Variants in GABPB2 observed in about 807,000 individuals in gnomAD.
GABPB2 encodes GA binding protein transcription factor subunit beta 2.
In GABPB2, 23 loss-of-function variants were observed where a neutral mutation model predicts 39.1. The observed-to-expected ratio is 0.59, with a 90% CI of 0.42 to 0.83. GABPB2 has a LOEUF of 0.83. Among genes scored for constraint, GABPB2 ranks in the 40% least tolerant of loss-of-function variants. GABPB2 has a pLI of 0.00. For synonymous variants in GABPB2, 184 were observed against 199.3 expected (o/e 0.92, Z 0.65); for missense variants, 467 against 541.1 (o/e 0.86, Z 1.36).
chr1:151,103,822 C>A, intron 6 of GABPB2, 147 bp downstream of exon 6: 1 of 591,072 alleles, frequency 1.7e-6, no homozygotes, highest in African/African-American at 1.9e-5. Flanking sequence ...CATTGAACAT[C>A]AGAAAGAAAA....
chr1:151,109,797 G>A (rs587624173), intron 7 of GABPB2, among the ~76,000 whole-genome samples: 24 of 151,732 alleles, frequency 1.6e-4, no homozygotes, highest in African/African-American at 5.1e-4. Context: ...AGCCTCCCAA[G>A]TAGCTGGGAC....
intron 7 of GABPB2, among the ~76,000 whole-genome samples, chr1:151,109,983 C>T (rs587638395): frequency 6.6e-5 from 9 of 136,628 alleles, no homozygotes; most frequent in Non-Finnish European, 1.2e-4. Flanking sequence ...GGATTACAAT[C>T]ATGTGCCACC....
chr1:151,085,935 T>C (rs895969714), intron 1 of GABPB2, among the ~76,000 whole-genome samples: 1 of 152,026 alleles, frequency 6.6e-6, no homozygotes. Context: ...TACAATATAA[T>C]TGTCATTTGG....
Position 151,109,364 on chromosome 1 carries a change from A to ATTTTTTTT in GABPB2, c.922+2146_922+2153dup, listed in dbSNP as rs56324886. ...CACAAATATATATATATATATATATATTTTTTTTTTTGAGTCAGAATCTTG... is the reference window on the plus strand; with the variant it reads ...CACAAATATATATATATATATATATATTTTTTTTTTTTTTTTTTTGAGTCAGAATCTTG... On this transcript the variant is annotated intron_variant, in intron 7 of 8. Transcript: ENST00000368918. 4.4e-4 allele frequency among the ~76,000 whole-genome samples: 50 copies of ATTTTTTTT among 112,394 alleles called. 1 individual carries two copies. Among genetic ancestry groups the ATTTTTTTT allele is most frequent in the Non-Finnish European group, 7.4e-4 (43 of 57,980 alleles). The allele number at this position is 112,394 out of a possible 152,430, so 73.7% of individuals were successfully genotyped here. A position where few individuals can be genotyped will look rare whatever the true frequency, so the allele number is the denominator to read the frequency against.
intron 1 of GABPB2, among the ~76,000 whole-genome samples, chr1:151,083,776 G>A (rs1173439990): frequency 6.6e-6 from 1 of 150,630 alleles, no homozygotes; most frequent in Non-Finnish European, 1.5e-5. Context: ...GAGTCTTGCT[G>A]TGTCACCCAG....
At chr1:151,105,628 A>G (rs1375540752) in intron 6 of GABPB2, among the ~76,000 whole-genome samples, 1 of 151,436 alleles carries the variant, frequency 6.6e-6, no homozygotes, top group East Asian at 2.0e-4. Context: ...ATCCTCCCAC[A>G]TCAGCCTCCT....
At chr1:151,077,102 G>T (rs1176751726) in intron 1 of GABPB2, among the ~76,000 whole-genome samples, 1 of 152,044 alleles carries the variant, frequency 6.6e-6, no homozygotes, top group African/African-American at 2.4e-5. Flanking sequence ...AGTGCAGCAA[G>T]AATAATGATT....
intron 4 of GABPB2, among the ~76,000 whole-genome samples, chr1:151,097,241 C>A (rs1156695725): frequency 7.9e-5 from 12 of 151,770 alleles, no homozygotes; most frequent in African/African-American, 2.9e-4. Context: ...ATGAAAAAAA[C>A]AAGATTCATA....
At chr1:151,091,448 G>A (rs1012966333) in intron 3 of GABPB2, among the ~76,000 whole-genome samples, 4 of 138,816 alleles carry the variant, frequency 2.9e-5, no homozygotes, top group South Asian at 4.8e-4. Flanking sequence ...TGGGTGCGGT[G>A]GCTCACTCCT....
At chr1:151,110,791 C>G (rs1396210722) in intron 7 of GABPB2, among the ~76,000 whole-genome samples, 1 of 152,000 alleles carries the variant, frequency 6.6e-6, no homozygotes, top group Non-Finnish European at 1.5e-5. Context: ...TGTTTAAGGC[C>G]CAAAGAAGGA....
At chr1:151,114,088 A>G (rs1680667851) in intron 7 of GABPB2, among the ~76,000 whole-genome samples, 2 of 151,934 alleles carry the variant, frequency 1.3e-5, no homozygotes, top group Admixed American at 6.6e-5. Flanking sequence ...GCTCATGCCT[A>G]TAATCCCAGC....
chr1:151,072,053 A>G (rs921641854), intron 1 of GABPB2, among the ~76,000 whole-genome samples: 2 of 152,248 alleles, frequency 1.3e-5, no homozygotes, highest in African/African-American at 4.8e-5. Flanking sequence ...CCATATTTTC[A>G]TCTAATCACT....
intron 2 of GABPB2, 106 bp downstream of exon 2, chr1:151,088,403 T>A: frequency 1.6e-6 from 2 of 1,233,750 alleles, no homozygotes; most frequent in Non-Finnish European, 2.3e-6. Context: ...CCTTTCTACC[T>A]CATATCCCTT....
intron 8 of GABPB2, 74 bp downstream of exon 8, chr1:151,117,590 T>C: frequency 1.3e-6 from 2 of 1,510,332 alleles, no homozygotes; most frequent in Non-Finnish European, 1.8e-6. Flanking sequence ...TCATCTTTTC[T>C]TTTTTCTTTT....
chr1:151,092,044 G>A (rs1305506011), intron 3 of GABPB2, among the ~76,000 whole-genome samples: 1 of 149,316 alleles, frequency 6.7e-6, no homozygotes, highest in Non-Finnish European at 1.5e-5. Context: ...CAATTCTCCT[G>A]CCTCAGCCTC....
At chr1:151,082,915 G>A (rs1403280633) in intron 1 of GABPB2, among the ~76,000 whole-genome samples, 1 of 151,412 alleles carries the variant, frequency 6.6e-6, no homozygotes, top group East Asian at 1.9e-4. Flanking sequence ...GTTCAAGGCT[G>A]CAGTGAGCTA....
chr1:151,076,307 A>G (rs1677164957), intron 1 of GABPB2, among the ~76,000 whole-genome samples: 2 of 152,306 alleles, frequency 1.3e-5, no homozygotes, highest in East Asian at 1.9e-4. Flanking sequence ...AGATTTTTAC[A>G]TTACCCATTC....
At chr1:151,107,468 A>T (rs1680056458) in intron 7 of GABPB2, among the ~76,000 whole-genome samples, 1 of 151,850 alleles carries the variant, frequency 6.6e-6, no homozygotes, top group South Asian at 2.1e-4. Flanking sequence ...ATATGAACCA[A>T]TAGTTCACAG....
chr1:151,078,302 A>G (rs1677361866), intron 1 of GABPB2, among the ~76,000 whole-genome samples: 1 of 144,434 alleles, frequency 6.9e-6, no homozygotes, highest in South Asian at 2.2e-4. Flanking sequence ...AAGAATAAAA[A>G]TTCATTTTAC....
Sources: gnomAD v4.1 joint callset for allele counts (sites outside exome capture counted in the v4.1 genomes callset) on GRCh38, gnomAD v4.1.1 for gene constraint, MANE v1.5 for transcripts, NCBI Gene and HGNC (gene_info 2026-07-23, HGNC 2026-07-21) for gene names.